Variants in RHBDD1 observed in about 807,000 individuals in gnomAD.
The protein encoded by RHBDD1 is rhomboid domain containing 1, also known as rhomboid-related protein 4.
A neutral mutation model predicts 36.3 loss-of-function variants in RHBDD1; 38 were observed. The observed-to-expected ratio is 1.05, with a 90% CI of 0.81 to 1.37. The LOEUF (loss-of-function observed/expected upper bound fraction) is 1.37, where lower values mean the gene tolerates loss of function less well. Among genes scored for constraint, RHBDD1 ranks in the 40% most tolerant of loss-of-function variants. The pLI is 0.00. For missense variants in RHBDD1, 393 were observed against 377.6 expected (o/e 1.04, Z -0.34); for synonymous variants, 151 against 136.5 (o/e 1.11, Z -0.74).
upstream of RHBDD1, among the ~76,000 whole-genome samples, chr2:226,831,011 T>C (rs149895900): frequency 2.0e-3 from 305 of 152,368 alleles, no homozygotes; most frequent in African/African-American, 6.0e-3. Context: ...GTATATGATC[T>C]ATCCTTCATA....
chr2:226,905,625 G>A (rs1947991454), intron 5 of RHBDD1, among the ~76,000 whole-genome samples: 1 of 152,236 alleles, frequency 6.6e-6, no homozygotes, highest in African/African-American at 2.4e-5. Flanking sequence ...TGATGGCCGT[G>A]TGTGGGATGC....
intron 5 of RHBDD1, among the ~76,000 whole-genome samples, chr2:226,897,308 GTGTCTGTC>G (rs56199167): frequency 0.025 from 3,515 of 142,002 alleles, 125 homozygotes; most frequent in African/African-American, 0.081. Context: ...TGAGGTGTGT[GTGTCTGTC>G]TGTCTGTCTG....
intron 7 of RHBDD1, among the ~76,000 whole-genome samples, chr2:226,912,948 T>C (rs1028003765): frequency 1.3e-5 from 2 of 152,216 alleles, no homozygotes; most frequent in African/African-American, 2.4e-5. Context: ...TAGTGTGTTT[T>C]GTCATTCGTT....
Position 226,864,591 on chromosome 2 carries a change from T to C in RHBDD1, c.-90-13T>C. The stretch of plus-strand genomic sequence containing the variant: ...CTTAATTGATGGTTTTTCACATGCA[T>C]TTTGTGTTTTAGGTTCAGCCGTCTG... On this transcript the variant is annotated splice_polypyrimidine_tract_variant and intron_variant, in intron 3 of 8. Coordinates refer to ENST00000392062, the MANE Select transcript of RHBDD1 (RefSeq NM_001167608.3). The C allele has an allele frequency of 1.1e-6, 1 of 881,802 alleles. No individual in the cohort carries two copies. The highest frequency in any genetic ancestry group is 1.8e-6 in the Non-Finnish European group (1 of 552,112). The allele number at this position is 881,802 out of a possible 1,614,324, so 54.6% of individuals were successfully genotyped here.
At chr2:226,880,551 T>C (rs189239406) in intron 5 of RHBDD1, among the ~76,000 whole-genome samples, 47 of 152,276 alleles carry the variant, frequency 3.1e-4, no homozygotes, top group South Asian at 2.9e-3. Flanking sequence ...TGGAACTCTT[T>C]GAGGGAACGG....
At chr2:226,951,470 A>C (rs1951424229) in intron 8 of RHBDD1, among the ~76,000 whole-genome samples, 1 of 152,186 alleles carries the variant, frequency 6.6e-6, no homozygotes, top group South Asian at 2.1e-4. Context: ...TGTTTGTAAA[A>C]TATTCATGAA....
At chr2:226,897,478 T>TA (rs1186274285) in intron 5 of RHBDD1, among the ~76,000 whole-genome samples, 1 of 152,316 alleles carries the variant, frequency 6.6e-6, no homozygotes, top group Non-Finnish European at 1.5e-5. Flanking sequence ...TATAAAAAAA[T>TA]ACCTGAATCT....
At chr2:226,914,841 G>T (rs555279470) in intron 8 of RHBDD1, among the ~76,000 whole-genome samples, 72 of 152,196 alleles carry the variant, frequency 4.7e-4, no homozygotes, top group African/African-American at 1.7e-3. Flanking sequence ...TTTTGAACAG[G>T]CTTTCCAGGA....
chr2:226,950,399 T>C (rs997595351), intron 8 of RHBDD1, among the ~76,000 whole-genome samples: 1 of 152,240 alleles, frequency 6.6e-6, no homozygotes, highest in Admixed American at 6.5e-5. Context: ...TAAGGCTGAA[T>C]AGTATTCATT....
chr2:226,829,262 G>T, the RHBDD1 span, among the ~76,000 whole-genome samples: 14 of 152,048 alleles, frequency 9.2e-5, no homozygotes, highest in African/African-American at 3.1e-4. Flanking sequence ...ACACTGTCAC[G>T]ATTACTATAA....
the RHBDD1 span, chr2:226,811,084 A>G: frequency 6.6e-6 from 1 of 152,194 alleles, no homozygotes; most frequent in African/African-American, 2.4e-5. Context: ...TTATTTGTTG[A>G]TAACTGAGAC....
chr2:226,985,987 G>T (rs1268424750), intron 8 of RHBDD1, among the ~76,000 whole-genome samples: 5 of 152,252 alleles, frequency 3.3e-5, no homozygotes, highest in Non-Finnish European at 7.3e-5. Context: ...TTATCTAAGT[G>T]GTCAAGGTTA....
intron 8 of RHBDD1, chr2:226,988,688 T>C: frequency 2.0e-6 from 2 of 979,046 alleles, no homozygotes; most frequent in Non-Finnish European, 2.4e-6. Context: ...TTTCATACTT[T>C]TTCTATCATT....
chr2:226,970,043 C>G (rs1469715015), intron 8 of RHBDD1, among the ~76,000 whole-genome samples: 3 of 132,480 alleles, frequency 2.3e-5, no homozygotes, highest in Non-Finnish European at 4.6e-5. Flanking sequence ...AACCTGGTCA[C>G]ATCGTCATCC....
intron 3 of RHBDD1, among the ~76,000 whole-genome samples, chr2:226,853,499 C>T (rs1450416794): frequency 2.0e-5 from 3 of 152,172 alleles, no homozygotes; most frequent in Non-Finnish European, 4.4e-5. Flanking sequence ...AGCTGGGAGG[C>T]AGGAAACTGC....
At chr2:226,928,071 A>T (rs981029150) in intron 8 of RHBDD1, among the ~76,000 whole-genome samples, 2 of 152,238 alleles carry the variant, frequency 1.3e-5, no homozygotes, top group East Asian at 1.9e-4. Flanking sequence ...CATGGTCTTA[A>T]AATTTACATT....
At chr2:226,937,724 A>AACGC (rs1186729315) in intron 8 of RHBDD1, among the ~76,000 whole-genome samples, 3 of 152,126 alleles carry the variant, frequency 2.0e-5, no homozygotes, top group Non-Finnish European at 4.4e-5. Flanking sequence ...TTAGTTTGCT[A>AACGC]AGGATAATGG....
chr2:226,851,218 A>G (rs1225090579), intron 3 of RHBDD1, among the ~76,000 whole-genome samples: 2 of 151,772 alleles, frequency 1.3e-5, no homozygotes, highest in Admixed American at 6.6e-5. Flanking sequence ...ATTCCTCTCC[A>G]TTTCTCTCTG....
chr2:226,913,648 T>C (rs1948682192), intron 7 of RHBDD1, among the ~76,000 whole-genome samples: 3 of 152,232 alleles, frequency 2.0e-5, no homozygotes, highest in Non-Finnish European at 4.4e-5. Context: ...CTCTTCTTTC[T>C]TGTTTTATCT....
Sources: allele counts gnomAD v4.1 joint callset (sites outside exome capture counted in the v4.1 genomes callset), GRCh38; gene constraint gnomAD v4.1.1; transcripts MANE v1.5; gene names NCBI Gene and HGNC (gene_info 2026-07-23, HGNC 2026-07-21).